Variants in IRS1 observed in about 807,000 individuals in gnomAD.
The protein encoded by IRS1 is insulin receptor substrate 1.
In IRS1, 34 loss-of-function variants were observed where a neutral mutation model predicts 65.6. The observed-to-expected ratio is 0.52, with a 90% CI of 0.39 to 0.69. The LOEUF (loss-of-function observed/expected upper bound fraction) is 0.69, where lower values mean the gene tolerates loss of function less well. Ranked by LOEUF, IRS1 falls within the 30% of genes least tolerant of loss-of-function variation. The probability of loss-of-function intolerance (pLI) is 0.00; values close to 1 mark genes in which losing one functional copy is unlikely to be tolerated. For synonymous variants in IRS1, 699 were observed against 683.5 expected (o/e 1.02, Z -0.35); for missense variants, 1,641 against 1,720.2 (o/e 0.95, Z 0.81).
chr2:226,796,882 C>A lies in IRS1; in HGVS notation c.1857G>T (p.Val619=). ...CCTTTCGGCCACTGGGCACTGGGGC[C>A]ACCCCTGGGGACATGGGCATGTAGC... ...DDGYMPMSPG[V]APVPSGRKGS... Residue 619 remains valine, a synonymous_variant, in exon 1 of 2, where the codon GTG becomes GTT. Coordinates refer to ENST00000305123, the MANE Select transcript of IRS1 (RefSeq NM_005544.3). The A allele has an allele frequency of 6.5e-7, 1 of 1,538,798 alleles. No individual in the cohort carries two copies.
At chr2:226,750,108 G>A (rs951400862) in intron 1 of IRS1, among the ~76,000 whole-genome samples, 3 of 152,046 alleles carry the variant, frequency 2.0e-5, no homozygotes, top group East Asian at 3.9e-4. Flanking sequence ...AATTAGCTGG[G>A]TGTGGTGGTA....
rs1175362950 is a variant in IRS1 at position 226,732,651 on chromosome 2, C to A, written c.*3621G>T. ...CACGTCACATATATATACACACACA[C>A]AAAGACACACACATGTCACATATAT... On this transcript the variant is annotated 3_prime_UTR_variant, in exon 2 of 2. Transcript: ENST00000305123. The A allele has an allele frequency of 6.6e-6, 1 of 150,590 alleles. No homozygotes were observed. 9.3% of individuals were successfully genotyped at this position (150,590 alleles called of 1,614,324 possible).
chr2:226,755,093 G>T (rs958621979), intron 1 of IRS1, among the ~76,000 whole-genome samples: 5 of 152,160 alleles, frequency 3.3e-5, no homozygotes, highest in Admixed American at 1.3e-4. Flanking sequence ...GACCTGGTAG[G>T]CATGGGGATA....
At chr2:226,738,943 C>T (rs941579317) in intron 1 of IRS1, among the ~76,000 whole-genome samples, 10 of 152,154 alleles carry the variant, frequency 6.6e-5, no homozygotes, top group Non-Finnish European at 1.2e-4. Context: ...CAGCTTAGTA[C>T]AGGAACACAC....
At chr2:226,738,221 C>T (rs923619543) in intron 1 of IRS1, among the ~76,000 whole-genome samples, 11 of 152,120 alleles carry the variant, frequency 7.2e-5, no homozygotes, top group African/African-American at 1.2e-4. Flanking sequence ...AAGTGTGGAC[C>T]GATATATTAG....
chr2:226,775,458 T>A (rs1238068595), intron 1 of IRS1, among the ~76,000 whole-genome samples: 1 of 152,198 alleles, frequency 6.6e-6, no homozygotes, highest in Admixed American at 6.5e-5. Context: ...ATGGTCCATG[T>A]GGAAATGGAT....
At chr2:226,776,377 G>C (rs1488096195) in intron 1 of IRS1, among the ~76,000 whole-genome samples, 1 of 151,984 alleles carries the variant, frequency 6.6e-6, no homozygotes, top group Non-Finnish European at 1.5e-5. Flanking sequence ...TTCGGGTGGG[G>C]GTGGGTAGAT....
chr2:226,737,197 G>GT (rs1484046989), intron 1 of IRS1, among the ~76,000 whole-genome samples: 2 of 149,516 alleles, frequency 1.3e-5, no homozygotes, highest in African/African-American at 2.5e-5. Context: ...GCGCTGTTTG[G>GT]TTTTTTGTTC....
At chr2:226,766,148 TATATATATATATA>T (rs1939037620) in intron 1 of IRS1, among the ~76,000 whole-genome samples, 2 of 7,440 alleles carry the variant, frequency 2.7e-4, no homozygotes, top group South Asian at 5.1e-3. Context: ...TATATATATA[TATATATATATATA>T]TATTTTTTTT....
intron 1 of IRS1, among the ~76,000 whole-genome samples, chr2:226,741,830 A>C (rs369077541): frequency 1.8e-3 from 152 of 84,300 alleles, no homozygotes; most frequent in African/African-American, 6.4e-3. Flanking sequence ...CACACACATA[A>C]CACACACACA....
At chr2:226,787,153 G>T (rs1381183524) in intron 1 of IRS1, among the ~76,000 whole-genome samples, 2 of 151,944 alleles carry the variant, frequency 1.3e-5, no homozygotes, top group South Asian at 2.1e-4. Context: ...CTCTTCTTCT[G>T]GTTGCTTTCA....
rs1939473793 is a variant in IRS1 at position 226,785,743 on chromosome 2, T to C, written c.*21+9246A>G. Among the ~76,000 whole-genome samples, 3 of 151,568 alleles carry C rather than the reference T, an allele frequency of 2.0e-5. No individual in the cohort carries two copies. The South Asian group carries it at 6.5e-4, about 33-fold the overall frequency. ...TGCTAGATTAATCACTAGAAACTTT[T>C]CTTTTTTTTATATATATACTTTAAG... On this transcript the variant is annotated intron_variant, in intron 1 of 1. Coordinates refer to ENST00000305123, the MANE Select transcript of IRS1 (RefSeq NM_005544.3).
At chr2:226,772,889 G>A (rs1159645402) in intron 1 of IRS1, among the ~76,000 whole-genome samples, 1 of 151,992 alleles carries the variant, frequency 6.6e-6, no homozygotes, top group African/African-American at 2.4e-5. Flanking sequence ...TCACATTTAG[G>A]ACACTTCCCA....
chr2:226,754,943 G>T (rs1235271724), intron 1 of IRS1, among the ~76,000 whole-genome samples: 1 of 152,170 alleles, frequency 6.6e-6, no homozygotes, highest in Non-Finnish European at 1.5e-5. Flanking sequence ...TTCCAGAAGA[G>T]TCTAGACAGT....
chr2:226,791,445 G>C (rs1019977935), intron 1 of IRS1, among the ~76,000 whole-genome samples: 8 of 152,210 alleles, frequency 5.3e-5, no homozygotes, highest in Admixed American at 5.2e-4. Flanking sequence ...GAGCAAGTGT[G>C]TGTTTCCGGC....
chr2:226,744,612 C>T (rs1255747859), intron 1 of IRS1, among the ~76,000 whole-genome samples: 3 of 152,186 alleles, frequency 2.0e-5, no homozygotes, highest in African/African-American at 7.2e-5. Flanking sequence ...AGATCAGCAG[C>T]GGCATTAGAT....
intron 1 of IRS1, among the ~76,000 whole-genome samples, chr2:226,745,090 G>T (rs1462065148): frequency 6.6e-6 from 1 of 152,152 alleles, no homozygotes; most frequent in Non-Finnish European, 1.5e-5. Context: ...TATCTGTTAT[G>T]GAAATGCAAG....
At chr2:226,737,690 C>G (rs1475172179) in intron 1 of IRS1, among the ~76,000 whole-genome samples, 1 of 152,128 alleles carries the variant, frequency 6.6e-6, no homozygotes, top group Non-Finnish European at 1.5e-5. Context: ...GGCAATAGCT[C>G]TAGACACATG....
chr2:226,741,848 T>C (rs1938447151), intron 1 of IRS1, among the ~76,000 whole-genome samples: 1 of 146,458 alleles, frequency 6.8e-6, no homozygotes, highest in East Asian at 2.0e-4. Flanking sequence ...ACACATATTA[T>C]CATCAGTCTC....
Sources: gnomAD v4.1 joint callset for allele counts (sites outside exome capture counted in the v4.1 genomes callset) on GRCh38, gnomAD v4.1.1 for gene constraint, MANE v1.5 for transcripts, NCBI Gene and HGNC (gene_info 2026-07-23, HGNC 2026-07-21) for gene names.